The following VPS33B variants were observed in gnomAD, a reference collection of about 807,000 sequenced individuals.
VPS33B encodes vacuolar protein sorting-associated protein 33B.
Under a neutral mutation model 95.3 loss-of-function variants are expected in VPS33B, and 80 were observed. That is an observed-to-expected ratio of 0.84 (90% CI 0.70 to 1.01). The LOEUF (loss-of-function observed/expected upper bound fraction) is 1.01, where lower values mean the gene tolerates loss of function less well. VPS33B is among the 50% of genes least tolerant of loss of function. The pLI is 0.00. For missense variants in VPS33B, 715 were observed against 773.4 expected, an observed-to-expected ratio of 0.92 and a Z score of 0.90; for synonymous variants, 280 against 280.4, an observed-to-expected ratio of 1.00 and a Z score of 0.01.
In VPS33B at chr15:91,003,108, A is replaced by C; in HGVS notation, c.1249T>G (p.Ser417Ala). The C allele has an allele frequency of 6.2e-7, 1 of 1,614,208 alleles. No individual in the cohort carries two copies. Among genetic ancestry groups the C allele is most frequent in the South Asian group, 1.1e-5 (1 of 91,088 alleles). The change falls in exon 17 of 23, where the codon TCT becomes GCT. Residue 417 changes from serine to alanine, a missense_variant. Coordinates refer to ENST00000333371, the MANE Select transcript of VPS33B (RefSeq NM_018668.5). ...ENGLIPKDYR[S>A]LKTQYLQSYG... is the part of the protein sequence containing the mutation. ...ACCTGCAGATACTGTGTTTTCAGAG[A>C]TCGGTAATCCTTGGGGATCAAACCT... is the stretch of plus-strand genomic sequence containing the variant.
At position 91,009,273 on chromosome 15, in the gene VPS33B, CTCTTT is replaced by C. The variant is rs566143271; in HGVS notation, c.403+523_403+527del. On this transcript the variant is annotated intron_variant, in intron 6 of 22. Transcript: ENST00000333371. The surrounding 1 kb of genome is among the most constrained non-coding windows in gnomAD (Gnocchi z 4.1). ...TCCCTCCCTCCCTCTCTCTCTTTCT[CTCTTT>C]TCTTTTATTTTCTTTCTCTCTCTCT... Among the ~76,000 whole-genome samples the C allele has an allele frequency of 8.8e-5, 13 of 147,862 alleles. No individual in the cohort carries two copies. The South Asian group carries it at 1.5e-3, about 17-fold the overall frequency.
intron 1 of VPS33B, among the ~76,000 whole-genome samples, chr15:91,019,846 C>T (rs563294071): frequency 1.3e-5 from 2 of 151,134 alleles, no homozygotes; most frequent in South Asian, 4.2e-4. Context: ...GCTTTTGTTG[C>T]CCAGGCTGGA....
In VPS33B at chr15:91,003,127, C is replaced by T; in HGVS notation, c.1230G>A (p.Leu410=). 1 of 1,614,132 alleles carries T rather than the reference C, an allele frequency of 6.2e-7. No individual in the cohort carries two copies. The highest frequency in any genetic ancestry group is 8.5e-7 in the Non-Finnish European group (1 of 1,180,010). ...MCLLSITENG[L]IPKDYRSLKT... ...TCAGAGATCGGTAATCCTTGGGGATCAAACCTAAGAGTGAAGAAAATAAGA... is the reference window on the plus strand; with the variant it reads ...TCAGAGATCGGTAATCCTTGGGGATTAAACCTAAGAGTGAAGAAAATAAGA... Residue 410 remains leucine, a synonymous_variant, in exon 17 of 23, where the codon TTG becomes TTA. Transcript: ENST00000333371.
In VPS33B at chr15:91,007,106, T is replaced by C; in HGVS notation, c.604-60A>G. 6.3e-7 allele frequency: 1 copy of C among 1,576,670 alleles called. No homozygotes were observed. Among genetic ancestry groups the C allele is most frequent in the African/African-American group, 1.3e-5 (1 of 74,392 alleles). ...CAGGTCCCTACTGCAGCCCCATACC[T>C]ACAGAAGTCAGCCCTTTCCACGTGA... On this transcript the variant is annotated intron_variant, in intron 8 of 22. Coordinates refer to ENST00000333371, the MANE Select transcript of VPS33B (RefSeq NM_018668.5). The surrounding 1 kb of genome is among the most constrained non-coding windows in gnomAD (Gnocchi z 5.3).
intron 16 of VPS33B, among the ~76,000 whole-genome samples, chr15:91,004,416 A>C (rs1173640562): frequency 6.6e-6 from 1 of 152,110 alleles, no homozygotes; most frequent in Non-Finnish European, 1.5e-5. Context: ...AGGCAGGAGA[A>C]TCACTTGAAC....
Position 91,000,440 on chromosome 15 carries a change from A to G in VPS33B, c.1581+50T>C. On this transcript the variant is annotated intron_variant, in intron 20 of 22. Coordinates refer to ENST00000333371, the MANE Select transcript of VPS33B (RefSeq NM_018668.5). This position sits in a 1 kb window ranked among gnomAD's most constrained non-coding sequence, Gnocchi z 4.9. ...ATTGAGACACGCCAGGGACCAAGAGAAAGCAGAGAGAATGAAATATGAATG... is the reference window on the plus strand; with the variant it reads ...ATTGAGACACGCCAGGGACCAAGAGGAAGCAGAGAGAATGAAATATGAATG... 6.5e-7 allele frequency: 1 copy of G among 1,545,646 alleles called. No individual in the cohort carries two copies. The highest frequency in any genetic ancestry group is 8.9e-7 in the Non-Finnish European group (1 of 1,124,022).
Position 91,017,057 on chromosome 15 carries a change from AAG to A in VPS33B, c.178-35_178-34del, listed in dbSNP as rs767467261. ...GAGAATCCAATAAGACAATGGACAT[AAG>A]AGTGCCTGAAAAGCACAAAGTGTGA... On this transcript the variant is annotated intron_variant, in intron 2 of 22. Transcript: ENST00000333371. The A allele has an allele frequency of 4.5e-5, 73 of 1,608,352 alleles. 1 individual carries two copies. In the Admixed American group the frequency reaches 1.2e-3, roughly 26 times the overall value.
At chr15:91,016,751 C>G (rs1478221072) in intron 3 of VPS33B, among the ~76,000 whole-genome samples, 2 of 152,082 alleles carry the variant, frequency 1.3e-5, no homozygotes, top group African/African-American at 2.4e-5. Context: ...TGGTTATAGA[C>G]TGTATTATAA....
rs76814764 is a variant in VPS33B at position 91,019,446 on chromosome 15, G to C, written c.97-1561C>G. Among the ~76,000 whole-genome samples, 1,159 of 152,142 alleles carry C rather than the reference G, an allele frequency of 7.6e-3. 8 individuals carry two copies. The highest frequency in any genetic ancestry group is 0.014 in the Non-Finnish European group (935 of 67,992). On this transcript the variant is annotated intron_variant, in intron 1 of 22. Coordinates refer to ENST00000333371, the MANE Select transcript of VPS33B (RefSeq NM_018668.5). The stretch of plus-strand genomic sequence containing the variant: ...TTTTTAAATGTTTATTTATTTTTTA[G>C]TTTCCCAAACTCAAAATGGTCAACA...
chr15:91,020,584 T>C (rs1450160618), intron 1 of VPS33B, among the ~76,000 whole-genome samples: 1 of 152,138 alleles, frequency 6.6e-6, no homozygotes, highest in African/African-American at 2.4e-5. Flanking sequence ...AAGCACTAAG[T>C]ATTAAAGAGA....
In VPS33B at chr15:91,000,808, A is replaced by G; in HGVS notation, c.1480-217T>C. ...GAGTTCCCATGCGCCATTATTGAATAATGTAAAGGGGCTGGAGGGATGGCT... is the reference window on the plus strand; with the variant it reads ...GAGTTCCCATGCGCCATTATTGAATGATGTAAAGGGGCTGGAGGGATGGCT... On this transcript the variant is annotated intron_variant, in intron 19 of 22. Transcript: ENST00000333371. The surrounding 1 kb of genome is among the most constrained non-coding windows in gnomAD (Gnocchi z 4.9). 2 of 525,806 alleles carry G rather than the reference A, an allele frequency of 3.8e-6. No homozygotes were observed. The highest frequency in any genetic ancestry group is 7.0e-6 in the Non-Finnish European group (2 of 286,408). 32.6% of individuals were successfully genotyped at this position (525,806 alleles called of 1,614,324 possible).
At chr15:91,017,714 C>T (rs2040983105) in intron 2 of VPS33B, 91 bp downstream of exon 2, 1 of 1,196,846 alleles carries the variant, frequency 8.4e-7, no homozygotes, top group South Asian at 1.2e-5. Flanking sequence ...ATTTGCCCTA[C>T]AAGAGTAGTC....
intron 6 of VPS33B, among the ~76,000 whole-genome samples, chr15:91,008,453 C>T (rs563129586): frequency 3.9e-5 from 6 of 152,222 alleles, no homozygotes; most frequent in Non-Finnish European, 7.4e-5. Context: ...TTGGCAGAGA[C>T]GGGGTTTTGC....
Position 91,000,259 on chromosome 15 carries a change from C to CT in VPS33B, c.1581+230_1581+231insA, listed in dbSNP as rs1470424627. 6.6e-6 allele frequency among the ~76,000 whole-genome samples: 1 copy of CT among 152,088 alleles called. No homozygotes were observed. The highest frequency in any genetic ancestry group is 1.5e-5 in the Non-Finnish European group (1 of 68,008). On this transcript the variant is annotated intron_variant, in intron 20 of 22. Coordinates refer to ENST00000333371, the MANE Select transcript of VPS33B (RefSeq NM_018668.5). The surrounding 1 kb of genome is among the most constrained non-coding windows in gnomAD (Gnocchi z 4.9). ...TAAAAATACAAAAATTAGCTGGGTG[C>CT]AGTGGCACATGCCTGTAGTCCCAGC...
In VPS33B at chr15:91,013,914, T is replaced by C. The variant is rs777573222; in HGVS notation, c.290-43A>G. 2 of 1,611,362 alleles carry C rather than the reference T, an allele frequency of 1.2e-6. No individual in the cohort carries two copies. The highest frequency in any genetic ancestry group is 2.2e-5 in the East Asian group (1 of 44,858). On this transcript the variant is annotated intron_variant, in intron 4 of 22. Transcript: ENST00000333371. This position sits in a 1 kb window ranked among gnomAD's most constrained non-coding sequence, Gnocchi z 4.5. ...GCAGCCCAGCAAGTCATGGGCCATC[T>C]GTTATGCTAGAAACAGGGAAGCTGC...
chr15:91,014,245 A>C, intron 4 of VPS33B, 139 bp downstream of exon 4: 1 of 824,474 alleles, frequency 1.2e-6, no homozygotes, highest in Non-Finnish European at 2.0e-6. Flanking sequence ...AAAAAAAAGA[A>C]GCGGGGAAGC....
intron 3 of VPS33B, among the ~76,000 whole-genome samples, chr15:91,016,186 G>A (rs2040918169): frequency 6.6e-6 from 1 of 152,066 alleles, no homozygotes; most frequent in African/African-American, 2.4e-5. Flanking sequence ...CAGAGCGAAT[G>A]GAGTGATGAA....
chr15:91,014,322 C>T (rs2040863417), intron 4 of VPS33B, 62 bp downstream of exon 4: 4 of 1,570,074 alleles, frequency 2.5e-6, no homozygotes, highest in Admixed American at 1.7e-5. Flanking sequence ...TCCTTATGGC[C>T]AAGGCCCTTA....
In VPS33B at chr15:91,013,904, A is replaced by T. The variant is rs1337381510; in HGVS notation, c.290-33T>A. Reference sequence around the variant, plus strand: ...GAGAAGGAATGCAGCCCAGCAAGTCATGGGCCATCTGTTATGCTAGAAACA... The same window carrying T: ...GAGAAGGAATGCAGCCCAGCAAGTCTTGGGCCATCTGTTATGCTAGAAACA... On this transcript the variant is annotated intron_variant, in intron 4 of 22. Transcript: ENST00000333371. This position sits in a 1 kb window ranked among gnomAD's most constrained non-coding sequence, Gnocchi z 4.5. 2 of 1,612,910 alleles carry T rather than the reference A, an allele frequency of 1.2e-6. No individual in the cohort carries two copies. The highest frequency in any genetic ancestry group is 1.7e-6 in the Non-Finnish European group (2 of 1,178,916).
Sources: gnomAD v4.1 joint callset for allele counts (sites outside exome capture counted in the v4.1 genomes callset) on GRCh38, gnomAD v4.1.1 for gene constraint, Gnocchi (gnomAD v3.1) non-coding constraint, MANE v1.5 for transcripts, NCBI Gene and HGNC (gene_info 2026-07-23, HGNC 2026-07-21) for gene names.